Variants in GLIS3 observed in about 807,000 individuals in gnomAD.
The protein encoded by GLIS3 is zinc finger protein GLIS3.
A neutral mutation model predicts 78.6 loss-of-function variants in GLIS3; 53 were observed. That is an observed-to-expected ratio of 0.67 (90% CI 0.54 to 0.85). The LOEUF is 0.85. Among genes scored for constraint, GLIS3 ranks in the 40% least tolerant of loss-of-function variants. GLIS3 has a pLI of 0.00. For missense variants in GLIS3, 1,703 were observed against 1,231.1 expected (o/e 1.38, Z -5.74); for synonymous variants, 684 against 509.9 (o/e 1.34, Z -4.60).
rs147323946 is a variant in GLIS3 at position 3,981,391 on chromosome 9, G to A, written c.1711-44202C>T. 8.9e-4 allele frequency among the ~76,000 whole-genome samples: 135 copies of A among 152,288 alleles called. 1 individual carries two copies. The highest frequency in any genetic ancestry group is 2.4e-3 in the African/African-American group (101 of 41,564). ...AAGCCTGACTCTAGCTTCCAAGGCT[G>A]TAATTTAGACCTTGGGAGAACTGTC... On this transcript the variant is annotated intron_variant, in intron 4 of 10. Coordinates refer to ENST00000381971, the MANE Select transcript of GLIS3 (RefSeq NM_001042413.2).
chr9:4,365,374 G>A, the GLIS3 span, among the ~76,000 whole-genome samples: 3 of 151,934 alleles, frequency 2.0e-5, no homozygotes, highest in Admixed American at 6.6e-5. Context: ...TGGCCAATAT[G>A]GTAAAACCCC....
chr9:3,878,876 T>G, intron 8 of GLIS3: 1 of 157,974 alleles, frequency 6.3e-6, no homozygotes, highest in Non-Finnish European at 1.4e-5. Context: ...CACACGAGAT[T>G]GGGAAACAGA....
chr9:4,208,959 G>A (rs1037439522), intron 2 of GLIS3, among the ~76,000 whole-genome samples: 4 of 152,186 alleles, frequency 2.6e-5, no homozygotes, highest in Admixed American at 6.5e-5. Flanking sequence ...CTCTGATGGT[G>A]CACTTCTTCA....
chr9:4,287,504 C>T (rs1489389310), intron 1 of GLIS3, among the ~76,000 whole-genome samples: 3 of 152,160 alleles, frequency 2.0e-5, no homozygotes, highest in East Asian at 3.8e-4. Context: ...TGGTAAAGTG[C>T]CATGGTTGTG....
intron 2 of GLIS3, among the ~76,000 whole-genome samples, chr9:4,236,184 C>CAAAAAAAAAAAAAAAAAA (rs59839951): frequency 1.5e-4 from 13 of 84,286 alleles, no homozygotes; most frequent in Non-Finnish European, 2.5e-4. Context: ...GTGGTTGTCA[C>CAAAAAAAAAAAAAAAAAA]AAAAAAAAAA....
chr9:4,151,180 C>T (rs569526520), intron 2 of GLIS3: 15 of 152,272 alleles, frequency 9.9e-5, no homozygotes, highest in African/African-American at 3.1e-4. Context: ...AATCTGAAAA[C>T]GCCACCAGAG....
In GLIS3 at chr9:4,023,182, G is replaced by T. The variant is rs1394801691; in HGVS notation, c.1711-85993C>A. On this transcript the variant is annotated intron_variant, in intron 4 of 10. Transcript: ENST00000381971. The stretch of plus-strand genomic sequence containing the variant: ...ATATACTTAAAAATTTTTTTAAGTG[G>T]CCAGTCCTTACCCAGTGCTACACAT... Among the ~76,000 whole-genome samples the T allele has an allele frequency of 3.3e-5, 5 of 151,952 alleles. No homozygotes were observed. In the East Asian group the frequency reaches 7.7e-4, roughly 23 times the overall value.
At chr9:4,078,286 T>A (rs893989504) in intron 4 of GLIS3, among the ~76,000 whole-genome samples, 2 of 152,146 alleles carry the variant, frequency 1.3e-5, no homozygotes, top group African/African-American at 4.8e-5. Flanking sequence ...AATGGAGGTA[T>A]GGAGTATCCT....
chr9:4,459,215 G>A, the GLIS3 span, among the ~76,000 whole-genome samples: 1 of 152,198 alleles, frequency 6.6e-6, no homozygotes, highest in Admixed American at 6.5e-5. Context: ...ATGAGAAGTG[G>A]CCATATACTG....
chr9:4,443,057 A>G, the GLIS3 span, among the ~76,000 whole-genome samples: 1 of 152,166 alleles, frequency 6.6e-6, no homozygotes, highest in African/African-American at 2.4e-5. Flanking sequence ...AGAGGCTCCA[A>G]GCATTGATTG....
In GLIS3 at chr9:4,294,823, A is replaced by T. The variant is rs566933028; in HGVS notation, c.-99+4598T>A. 5.3e-5 allele frequency among the ~76,000 whole-genome samples: 8 copies of T among 152,336 alleles called. No homozygotes were observed. The South Asian group carries it at 1.7e-3, about 32-fold the overall frequency. On this transcript the variant is annotated intron_variant, in intron 1 of 10. Coordinates refer to ENST00000381971, the MANE Select transcript of GLIS3 (RefSeq NM_001042413.2). ...TATCATATAGTTATGCTACATCTAT[A>T]TATTCACATACATTTATTCTATTTA...
chr9:4,455,707 T>G, the GLIS3 span, among the ~76,000 whole-genome samples: 1 of 152,184 alleles, frequency 6.6e-6, no homozygotes, highest in African/African-American at 2.4e-5. Flanking sequence ...ATTGTTTCTT[T>G]CCAGATCCTG....
chr9:4,214,684 G>A (rs1308077591), intron 2 of GLIS3, among the ~76,000 whole-genome samples: 1 of 152,110 alleles, frequency 6.6e-6, no homozygotes, highest in Non-Finnish European at 1.5e-5. Flanking sequence ...CTCTAAGGAC[G>A]CTGTATTCTT....
chr9:3,987,772 A>AC (rs1307158404), intron 4 of GLIS3, among the ~76,000 whole-genome samples: 4 of 142,216 alleles, frequency 2.8e-5, no homozygotes, highest in East Asian at 2.0e-4. Context: ...AAAAAAAAAA[A>AC]AAAAAAAAAA....
intron 2 of GLIS3, among the ~76,000 whole-genome samples, chr9:4,255,220 G>C (rs1417142851): frequency 1.3e-5 from 2 of 152,202 alleles, no homozygotes; most frequent in African/African-American, 4.8e-5. Context: ...ATCAAATGCT[G>C]ACAAGAATGT....
At chr9:3,872,090 C>G (rs1366559154) in intron 8 of GLIS3, among the ~76,000 whole-genome samples, 1 of 152,192 alleles carries the variant, frequency 6.6e-6, no homozygotes, top group African/African-American at 2.4e-5. Flanking sequence ...AAAATGCCAC[C>G]ACTACCTTTG....
At chr9:4,253,580 T>C (rs1054033942) in intron 2 of GLIS3, among the ~76,000 whole-genome samples, 7 of 152,196 alleles carry the variant, frequency 4.6e-5, no homozygotes, top group East Asian at 1.9e-4. Context: ...AGACCACTTG[T>C]CTCCCTGGCT....
chr9:3,993,264 C>T (rs1820475724), intron 4 of GLIS3, among the ~76,000 whole-genome samples: 1 of 152,184 alleles, frequency 6.6e-6, no homozygotes, highest in Non-Finnish European at 1.5e-5. Context: ...TGTACTGCTG[C>T]TTCCCCTGAC....
chr9:4,407,636 G>A, the GLIS3 span, among the ~76,000 whole-genome samples: 1 of 152,164 alleles, frequency 6.6e-6, no homozygotes, highest in Non-Finnish European at 1.5e-5. Flanking sequence ...GACAGAGCAA[G>A]ACTCTCTCAA....
Sources: gnomAD v4.1 joint callset for allele counts (sites outside exome capture counted in the v4.1 genomes callset) on GRCh38, gnomAD v4.1.1 for gene constraint, MANE v1.5 for transcripts, NCBI Gene and HGNC (gene_info 2026-07-23, HGNC 2026-07-21) for gene names.